Variants in DNER observed in about 807,000 individuals in gnomAD.
DNER encodes delta and Notch-like epidermal growth factor-related receptor.
DNER carries 33 observed loss-of-function variants against 78.2 expected under a neutral mutation model. That is an observed-to-expected ratio of 0.42 (90% CI 0.32 to 0.56). DNER has a LOEUF of 0.56. DNER is among the 20% of genes least tolerant of loss of function. The pLI, the probability that DNER is intolerant of heterozygous loss-of-function variation, is 0.11. For missense variants in DNER, 918 were observed against 975.3 expected (o/e 0.94, Z 0.78); for synonymous variants, 417 against 384.8 (o/e 1.08, Z -0.98).
chr2:229,528,302 T>A (rs913608530), intron 5 of DNER, among the ~76,000 whole-genome samples: 2 of 152,244 alleles, frequency 1.3e-5, no homozygotes, highest in Non-Finnish European at 2.9e-5. Flanking sequence ...CGGAGGCAAC[T>A]GATGGCTTCT....
intron 11 of DNER, among the ~76,000 whole-genome samples, chr2:229,387,499 GAAAGAA>G (rs1209201552): frequency 8.3e-4 from 76 of 91,464 alleles, no homozygotes; most frequent in African/African-American, 2.7e-3. Flanking sequence ...AAGAAAGAAA[GAAAGAA>G]AGAGAGAAAG....
intron 4 of DNER, among the ~76,000 whole-genome samples, chr2:229,567,351 G>A (rs1474303233): frequency 1.3e-5 from 2 of 152,200 alleles, no homozygotes; most frequent in Admixed American, 6.5e-5. Flanking sequence ...CTCCAAGCAG[G>A]TGCCTAGTGC....
chr2:229,619,042 G>A (rs570090039), intron 1 of DNER, among the ~76,000 whole-genome samples: 1 of 152,036 alleles, frequency 6.6e-6, no homozygotes, highest in Non-Finnish European at 1.5e-5. Context: ...TGTAATTCTA[G>A]CTACTCAAGA....
intron 8 of DNER, among the ~76,000 whole-genome samples, chr2:229,434,003 C>G (rs1284943448): frequency 6.6e-6 from 1 of 151,936 alleles, no homozygotes; most frequent in Admixed American, 6.6e-5. Flanking sequence ...TTTTGCAAAC[C>G]AAAAATTGGG....
At chr2:229,666,891 C>T (rs910749566) in intron 1 of DNER, among the ~76,000 whole-genome samples, 4 of 152,222 alleles carry the variant, frequency 2.6e-5, no homozygotes, top group African/African-American at 4.8e-5. Context: ...TGGAGTGATG[C>T]ATCAGATGGT....
intron 1 of DNER, among the ~76,000 whole-genome samples, chr2:229,699,300 T>C (rs1481064174): frequency 6.6e-6 from 1 of 152,214 alleles, no homozygotes; most frequent in African/African-American, 2.4e-5. Context: ...TATTTAAATA[T>C]GACTTAGAAA....
At chr2:229,659,421 A>G (rs939307920) in intron 1 of DNER, among the ~76,000 whole-genome samples, 1 of 152,188 alleles carries the variant, frequency 6.6e-6, no homozygotes, top group African/African-American at 2.4e-5. Flanking sequence ...GGACAAAACC[A>G]TTTGACCTAA....
chr2:229,651,864 A>G (rs1436896657), intron 1 of DNER, among the ~76,000 whole-genome samples: 1 of 152,216 alleles, frequency 6.6e-6, no homozygotes, highest in Non-Finnish European at 1.5e-5. Context: ...CCCTAGGGCC[A>G]ACAACCACAA....
chr2:229,692,797 G>A (rs1024540589), intron 1 of DNER, among the ~76,000 whole-genome samples: 1 of 152,058 alleles, frequency 6.6e-6, no homozygotes, highest in Admixed American at 6.6e-5. Context: ...GAATGTATTT[G>A]AGAACTTTGA....
intron 6 of DNER, among the ~76,000 whole-genome samples, chr2:229,508,929 A>T (rs1276210412): frequency 1.3e-5 from 2 of 151,346 alleles, no homozygotes; most frequent in Non-Finnish European, 2.9e-5. Flanking sequence ...AAGAAAAAGC[A>T]AACAAAGAAC....
chr2:229,672,392 A>C (rs754608436), intron 1 of DNER, among the ~76,000 whole-genome samples: 2 of 150,536 alleles, frequency 1.3e-5, no homozygotes, highest in African/African-American at 2.4e-5. Context: ...ATGGAGAGAG[A>C]GGAGGTGAAG....
chr2:229,581,936 T>C (rs1307584430), intron 4 of DNER, among the ~76,000 whole-genome samples: 1 of 152,206 alleles, frequency 6.6e-6, no homozygotes, highest in Non-Finnish European at 1.5e-5. Flanking sequence ...CTTAGTTATG[T>C]ATGTGCAAAC....
At chr2:229,712,824 G>C (rs1403366814) in intron 1 of DNER, among the ~76,000 whole-genome samples, 1 of 152,014 alleles carries the variant, frequency 6.6e-6, no homozygotes, top group Non-Finnish European at 1.5e-5. Context: ...AAAGCTTATT[G>C]TAACCAGTAA....
intron 10 of DNER, among the ~76,000 whole-genome samples, chr2:229,400,891 A>G (rs1693251973): frequency 6.6e-6 from 1 of 152,078 alleles, no homozygotes; most frequent in Non-Finnish European, 1.5e-5. Flanking sequence ...AAGGAGTAAC[A>G]TTATAGTAGA....
At chr2:229,673,574 C>A (rs1341954488) in intron 1 of DNER, among the ~76,000 whole-genome samples, 1 of 152,224 alleles carries the variant, frequency 6.6e-6, no homozygotes, top group Non-Finnish European at 1.5e-5. Context: ...ACTGCCTGTG[C>A]TTTGAACAGT....
At chr2:229,431,586 A>G (rs919279540) in intron 8 of DNER, among the ~76,000 whole-genome samples, 2 of 140,696 alleles carry the variant, frequency 1.4e-5, no homozygotes, top group East Asian at 2.1e-4. Context: ...GTGAAAAAGG[A>G]AAAAAAAAAA....
At chr2:229,586,169 C>T (rs964853694) in intron 3 of DNER, 145 bp from the exon 4 acceptor site, 9 of 1,011,396 alleles carry the variant, frequency 8.9e-6, no homozygotes, top group Middle Eastern at 3.0e-4. Context: ...GATACGCGGG[C>T]GTCCACTGTA....
intron 1 of DNER, among the ~76,000 whole-genome samples, chr2:229,630,482 T>TAAG (rs763251945): frequency 1.3e-5 from 1 of 75,584 alleles, no homozygotes; most frequent in East Asian, 4.7e-4. Flanking sequence ...CATCTCAAAA[T>TAAG]AATAATAATA....
chr2:229,563,675 C>T (rs1402225830), intron 4 of DNER, among the ~76,000 whole-genome samples: 1 of 147,794 alleles, frequency 6.8e-6, no homozygotes, highest in African/African-American at 2.5e-5. Context: ...TCATCATCAA[C>T]ATTATCACCC....
Sources: gnomAD v4.1 joint callset for allele counts (sites outside exome capture counted in the v4.1 genomes callset) on GRCh38, gnomAD v4.1.1 for gene constraint, MANE v1.5 for transcripts, NCBI Gene and HGNC (gene_info 2026-07-23, HGNC 2026-07-21) for gene names.